SAMD11: variants seen among roughly 807,000 people sequenced by gnomAD.
SAMD11 encodes the protein sterile alpha motif domain containing 11.
In SAMD11, 77 loss-of-function variants were observed where a neutral mutation model predicts 64.4. The observed-to-expected ratio is 1.20, with a 90% CI of 0.99 to 1.44. The LOEUF (loss-of-function observed/expected upper bound fraction) is 1.44. Ranked by LOEUF, SAMD11 falls within the 40% of genes most tolerant of loss-of-function variation. The probability of loss-of-function intolerance (pLI) is 0.00; values close to 1 mark genes in which losing one functional copy is unlikely to be tolerated. For missense variants in SAMD11, 1,402 were observed against 943.3 expected (o/e 1.49, Z -6.37); for synonymous variants, 658 against 421.9 (o/e 1.56, Z -6.86).
At chr1:943,136 G>GA (rs201043644) in intron 11 of SAMD11, 78 bp downstream of exon 11, 18 of 1,574,934 alleles carry the variant, frequency 1.1e-5, no homozygotes, top group Non-Finnish European at 1.7e-6. Flanking sequence ...TTGGGGGGAG[G>GA]AAAAATTCCC....
rs369803898 is a variant in SAMD11, at chr1:939,103, A to C, written c.1031A>C (p.Lys344Thr). Residue 344 changes from lysine (K) to threonine (T), a missense_variant, in exon 6 of 14, where the codon AAG becomes ACG. Physicochemically the swap from Lys to Thr is moderately conservative, Grantham distance 78 (BLOSUM62 -1). Coordinates refer to ENST00000616016, the MANE Select transcript of SAMD11 (RefSeq NM_001385641.1). ...PRISSDCFSEKRARSESPQEA... is the reference protein window; with the variant it reads ...PRISSDCFSETRARSESPQEA... ...ATCAGCAGCGACTGCTTTTCAGAGA[A>C]GAGGGCACGAAGCGAATCGCCTCAA... The C allele has an allele frequency of 1.4e-5, 22 of 1,602,956 alleles. No homozygotes were observed. The African/African-American group carries it at 2.5e-4, about 18-fold the overall frequency.
At chr1:927,545 C>A (rs754372783) in intron 2 of SAMD11, among the ~76,000 whole-genome samples, 1 of 152,188 alleles carries the variant, frequency 6.6e-6, no homozygotes, top group Non-Finnish European at 1.5e-5. Flanking sequence ...CACCCTTCCC[C>A]TAGGAAGCAA....
At position 935,888 on chromosome 1, in the gene SAMD11, G is replaced by T; in HGVS notation, c.959G>T (p.Arg320Leu). ...FQRGSLEIGL[R>L]PAGDLLGKRL... ...AGAGGCAGCCTGGAGATTGGCCTGC[G>T]ACCCGCCGGTGAGGAGCACAGGGGG... The change falls in exon 5 of 14, where the codon CGA (arginine) becomes CTA (leucine). Residue 320 changes from arginine (R) to leucine (L), a missense_variant. Transcript: ENST00000616016. 6.2e-7 allele frequency: 1 copy of T among 1,611,660 alleles called. No individual in the cohort carries two copies. Among genetic ancestry groups the T allele is most frequent in the South Asian group, 1.1e-5 (1 of 91,060 alleles).
chr1:942,338 G>A, intron 9 of SAMD11, 72 bp from the exon 10 acceptor site: 1 of 1,130,210 alleles, frequency 8.8e-7, no homozygotes, highest in Non-Finnish European at 1.2e-6. Context: ...GACGGACCGG[G>A]TAGGGGATTG....
Position 935,801 on chromosome 1 carries a change from C to A in SAMD11, c.872C>A (p.Ser291Tyr), listed in dbSNP as rs1641402133. ...SQDGNLPTLI[S>Y]SVHRSRHLVM... Reference sequence around the variant, plus strand: ...GACGGCAACCTTCCCACCCTCATATCCAGCGTCCACCGCAGCCGCCACCTC... The same window carrying A: ...GACGGCAACCTTCCCACCCTCATATACAGCGTCCACCGCAGCCGCCACCTC... Residue 291 changes from serine (S) to tyrosine (Y), a missense_variant, in exon 5 of 14, where the codon TCC becomes TAC. Ser to Tyr is a moderately radical substitution (Grantham distance 144, BLOSUM62 -2). Coordinates refer to ENST00000616016, the MANE Select transcript of SAMD11 (RefSeq NM_001385641.1). 2.5e-6 allele frequency: 4 copies of A among 1,613,344 alleles called. No individual in the cohort carries two copies. The highest frequency in any genetic ancestry group is 1.3e-5 in the African/African-American group (1 of 74,930).
In SAMD11 at chr1:943,283, A is replaced by AG; in HGVS notation, c.2086dup (p.Glu696GlyfsTer6). On this transcript the variant is annotated frameshift_variant, in exon 12 of 14. Transcript: ENST00000616016. LOFTEE classifies it high-confidence loss of function. ...GTAGGGGGACTCTCCATGGATGGGG[A>AG]GGAGGCCCCAGCCCCTGAGGACGTC... The AG allele has an allele frequency of 6.2e-7, 1 of 1,612,474 alleles. No individual in the cohort carries two copies. Among genetic ancestry groups the AG allele is most frequent in the Non-Finnish European group, 8.5e-7 (1 of 1,179,688 alleles).
At position 925,977 on chromosome 1, in the gene SAMD11, C is replaced by G. The variant is rs370046315; in HGVS notation, c.573C>G (p.Ile191Met). Residue 191 changes from isoleucine to methionine, a missense_variant, in exon 2 of 14, where the codon ATC (isoleucine) becomes ATG (methionine). Coordinates refer to ENST00000616016, the MANE Select transcript of SAMD11 (RefSeq NM_001385641.1). ...SKGILQVHPP[I>M]CDCPGCRISS... ...GGATCCTGCAGGTGCATCCTCCGAT[C>G]TGCGACTGCCCGGGCTGCCGAATAT... 2 of 1,612,114 alleles carry G rather than the reference C, an allele frequency of 1.2e-6. No individual in the cohort carries two copies. Among genetic ancestry groups the G allele is most frequent in the African/African-American group, 1.3e-5 (1 of 74,948 alleles).
intron 2 of SAMD11, among the ~76,000 whole-genome samples, chr1:927,594 C>T (rs964995457): frequency 2.0e-5 from 3 of 152,230 alleles, no homozygotes. Context: ...ATGTTTCTTA[C>T]TCAGAGGCTG....
chr1:930,895 G>A lies in SAMD11; in HGVS notation c.792-144G>A, dbSNP rs1010998625. The A allele has an allele frequency of 1.3e-5, 10 of 769,218 alleles. No homozygotes were observed. In the African/African-American group the frequency reaches 1.7e-4, roughly 13 times the overall value. The allele number at this position is 769,218 out of a possible 1,614,324, so 47.6% of individuals were successfully genotyped here. On this transcript the variant is annotated intron_variant, in intron 3 of 13. Transcript: ENST00000616016. ...TTGAGCCAGTAGCAGGTGGTGCTGG[G>A]CATGGCAGCCGCCCTCGTTCACTGC...
chr1:939,411 C>T lies in SAMD11; in HGVS notation c.1194C>T (p.His398=), dbSNP rs762476615. Residue 398 remains histidine (H), a splice_region_variant and synonymous_variant, in exon 7 of 14, where the codon CAC becomes CAT. Coordinates refer to ENST00000616016, the MANE Select transcript of SAMD11 (RefSeq NM_001385641.1). ...TCTACCACCTGGGCCTCCCCAGCCACGGTGAGGACCCACCCTGGCATGATC... is the reference window on the plus strand; with the variant it reads ...TCTACCACCTGGGCCTCCCCAGCCATGGTGAGGACCCACCCTGGCATGATC... ...QRLYHLGLPS[H]DLLRVRQEVA... The T allele has an allele frequency of 6.4e-5, 92 of 1,442,186 alleles. No homozygotes were observed. The highest frequency in any genetic ancestry group is 7.7e-5 in the Non-Finnish European group (80 of 1,044,650). 89.3% of individuals were successfully genotyped at this position (1,442,186 alleles called of 1,614,324 possible). A position where few individuals can be genotyped will look rare whatever the true frequency, so the allele number is the denominator to read the frequency against.
rs1161211841 is a variant in SAMD11, at chr1:942,881, G to A, written c.1876G>A (p.Asp626Asn). ...GCTCTGGGCACAAGATGGCTCGGAAGACGAGCCCCCCAAAGACTCGGACGG... is the reference window on the plus strand; with the variant it reads ...GCTCTGGGCACAAGATGGCTCGGAAAACGAGCCCCCCAAAGACTCGGACGG... ...ARLWAQDGSE[D>N]EPPKDSDGED... is the part of the protein sequence containing the mutation. Residue 626 changes from aspartate (D) to asparagine (N), a missense_variant, in exon 11 of 14, where the codon GAC (aspartate) becomes AAC (asparagine). Transcript: ENST00000616016. The A allele has an allele frequency of 3.2e-6, 5 of 1,554,994 alleles. No homozygotes were observed. The highest frequency in any genetic ancestry group is 2.4e-5 in the East Asian group (1 of 41,820).
chr1:939,198 C>T (rs531752670), intron 6 of SAMD11, 69 bp downstream of exon 6: 5 of 1,551,376 alleles, frequency 3.2e-6, no homozygotes, highest in East Asian at 2.4e-5. Context: ...TCCCCTGGAC[C>T]TCGAGCAGGC....
rs548336104 is a variant in SAMD11, at chr1:928,284, T to C, written c.610-1871T>C. Among the ~76,000 whole-genome samples, 687 of 152,180 alleles carry C rather than the reference T, an allele frequency of 4.5e-3. 4 individuals are homozygous for C. The highest frequency in any genetic ancestry group is 5.9e-3 in the Admixed American group (90 of 15,296). The stretch of plus-strand genomic sequence containing the variant: ...GCGGGTGCCTGTAGTCCCAGCTACT[T>C]GGGAGGCTGAGGCAGGAGAATGGCA... On this transcript the variant is annotated intron_variant, in intron 2 of 13. Coordinates refer to ENST00000616016, the MANE Select transcript of SAMD11 (RefSeq NM_001385641.1).
intron 2 of SAMD11, among the ~76,000 whole-genome samples, chr1:928,792 G>T (rs1641029730): frequency 6.6e-6 from 1 of 152,230 alleles, no homozygotes; most frequent in Admixed American, 6.5e-5. Flanking sequence ...CCTCCACCTG[G>T]GTGGGGGGAT....
At position 943,387 on chromosome 1, in the gene SAMD11, G is replaced by T. The variant is rs761847105; in HGVS notation, c.2178+10G>T. 3.9e-6 allele frequency: 6 copies of T among 1,528,456 alleles called. No individual in the cohort carries two copies. Among genetic ancestry groups the T allele is most frequent in the African/African-American group, 1.4e-5 (1 of 72,096 alleles). The allele number at this position is 1,528,456 out of a possible 1,614,324, so 94.7% of individuals were successfully genotyped here. On this transcript the variant is annotated intron_variant, in intron 12 of 13. Coordinates refer to ENST00000616016, the MANE Select transcript of SAMD11 (RefSeq NM_001385641.1). Reference sequence around the variant, plus strand: ...TGGAGAGTACACTCGGGTAAGGGGGGGCCCCAGTTCCTGGGGCGGGGCTGG... The same window carrying T: ...TGGAGAGTACACTCGGGTAAGGGGGTGCCCCAGTTCCTGGGGCGGGGCTGG...
chr1:935,159 G>A (rs956505684), intron 4 of SAMD11, among the ~76,000 whole-genome samples: 18 of 152,138 alleles, frequency 1.2e-4, no homozygotes, highest in Admixed American at 1.1e-3. Flanking sequence ...GAAGAAAAGA[G>A]TTAAATGCAT....
chr1:942,768 G>C lies in SAMD11; in HGVS notation c.1763G>C (p.Arg588Pro), dbSNP rs972012141. ...PPGSGPPTPS[R>P]DSARRAPRKG... ...GGCTCCGGACCCCCCACCCCGTCCC[G>C]GGACTCTGCCCGGCGAGCCCCCCGG... Residue 588 changes from arginine (R) to proline (P), a missense_variant, in exon 11 of 14, where the codon CGG becomes CCG. Arg to Pro is a moderately radical substitution (Grantham distance 103). Coordinates refer to ENST00000616016, the MANE Select transcript of SAMD11 (RefSeq NM_001385641.1). 23 of 1,531,322 alleles carry C rather than the reference G, an allele frequency of 1.5e-5. No individual in the cohort carries two copies. The highest frequency in any genetic ancestry group is 6.1e-5 in the Admixed American group (3 of 49,042). 94.9% of individuals were successfully genotyped at this position (1,531,322 alleles called of 1,614,324 possible). A position where few individuals can be genotyped will look rare whatever the true frequency, so the allele number is the denominator to read the frequency against.
chr1:944,006 C>T lies in SAMD11; in HGVS notation c.2388C>T (p.Gly796=), dbSNP rs376249278. The T allele has an allele frequency of 7.4e-6, 12 of 1,612,776 alleles. No individual in the cohort carries two copies. Among genetic ancestry groups the T allele is most frequent in the Middle Eastern group, 1.6e-4 (1 of 6,084 alleles). ...TGCGGGCCCCGGAGCGAGAACTCGG[C>T]ACAGGAGAGCAGCCCTTGTCCCCCA... ...PTLRAPEREL[G]TGEQPLSPTT... Residue 796 remains glycine, a synonymous_variant, in exon 14 of 14, where the codon GGC becomes GGT. Transcript: ENST00000616016.
At position 929,102 on chromosome 1, in the gene SAMD11, C is replaced by T. The variant is rs140790776; in HGVS notation, c.610-1053C>T. Among the ~76,000 whole-genome samples, 27 of 152,322 alleles carry T rather than the reference C, an allele frequency of 1.8e-4. No individual in the cohort carries two copies. In the East Asian group the frequency reaches 5.0e-3, roughly 28 times the overall value. On this transcript the variant is annotated intron_variant, in intron 2 of 13. Coordinates refer to ENST00000616016, the MANE Select transcript of SAMD11 (RefSeq NM_001385641.1). ...CCACTGGAAAATAATCAATAACTTT[C>T]CTTTATCCCTGGGGGTGGCAGGACC... is the stretch of plus-strand genomic sequence containing the variant.
Sources: gnomAD v4.1 joint callset for allele counts (sites outside exome capture counted in the v4.1 genomes callset) on GRCh38, gnomAD v4.1.1 for gene constraint, MANE v1.5 for transcripts, NCBI Gene and HGNC (gene_info 2026-07-23, HGNC 2026-07-21) for gene names.